HIVEP3: variants seen among roughly 807,000 people sequenced by gnomAD.
HIVEP3 encodes the protein HIVEP zinc finger 3, also known as transcription factor HIVEP3.
Under a neutral mutation model 152.8 loss-of-function variants are expected in HIVEP3, and 49 were observed. That is an observed-to-expected ratio of 0.32 (90% CI 0.26 to 0.41). The LOEUF (loss-of-function observed/expected upper bound fraction) is 0.41, where lower values mean the gene tolerates loss of function less well. Ranked by LOEUF, HIVEP3 falls within the 10% of genes least tolerant of loss-of-function variation. HIVEP3 has a pLI of 1.00. For synonymous variants in HIVEP3, 1,269 were observed against 1,289.0 expected (o/e 0.98, Z 0.33); for missense variants, 2,790 against 3,103.3 (o/e 0.90, Z 2.40).
chr1:41,629,466 C>T (rs557547561), intron 2 of HIVEP3, among the ~76,000 whole-genome samples: 2 of 152,276 alleles, frequency 1.3e-5, no homozygotes, highest in South Asian at 4.1e-4. Context: ...GCAAAAGAAA[C>T]TATCAATAGA....
At chr1:41,586,319 T>G (rs560869673) in intron 3 of HIVEP3, among the ~76,000 whole-genome samples, 3 of 152,196 alleles carry the variant, frequency 2.0e-5, no homozygotes, top group Non-Finnish European at 2.9e-5. Flanking sequence ...ATCCCAAGGC[T>G]GGAGTCACCA....
intron 1 of HIVEP3, among the ~76,000 whole-genome samples, chr1:41,716,823 G>C (rs978962356): frequency 6.6e-6 from 1 of 152,202 alleles, no homozygotes; most frequent in Admixed American, 6.5e-5. Flanking sequence ...AGATGTGAAC[G>C]AAGCCGGTTA....
chr1:41,651,440 A>G (rs2124015309), intron 2 of HIVEP3, among the ~76,000 whole-genome samples: 1 of 151,972 alleles, frequency 6.6e-6, no homozygotes, highest in South Asian at 2.1e-4. Context: ...AAAATCCACA[A>G]AGTTCCAAAA....
intron 1 of HIVEP3, among the ~76,000 whole-genome samples, chr1:41,757,048 A>G (rs12024937): frequency 0.48 from 73,163 of 151,080 alleles, 20,157 homozygotes; most frequent in Non-Finnish European, 0.63. Flanking sequence ...GGCCAGGAGT[A>G]TGAGGCCAGC....
chr1:41,770,569 T>C (rs1648290059), intron 1 of HIVEP3, among the ~76,000 whole-genome samples: 1 of 152,126 alleles, frequency 6.6e-6, no homozygotes, highest in African/African-American at 2.4e-5. Flanking sequence ...CCCCCCAATA[T>C]AATGCAATGA....
intron 1 of HIVEP3, among the ~76,000 whole-genome samples, chr1:41,980,595 C>T (rs746960366): frequency 7.9e-5 from 12 of 152,070 alleles, no homozygotes; most frequent in East Asian, 3.9e-4. Flanking sequence ...TTGGGGATGA[C>T]GGAAATATTC....
At chr1:41,548,531 T>C (rs145853700) in intron 5 of HIVEP3, among the ~76,000 whole-genome samples, 156 of 128,734 alleles carry the variant, frequency 1.2e-3, no homozygotes, top group African/African-American at 4.4e-3. Context: ...ACTTGAACCA[T>C]TTTGGGTTTG....
chr1:42,027,917 CAT>C (rs1466353861), intron 1 of HIVEP3, among the ~76,000 whole-genome samples: 1 of 152,308 alleles, frequency 6.6e-6, no homozygotes, highest in South Asian at 2.1e-4. Flanking sequence ...CCTCCCACAA[CAT>C]GTGGGAATTC....
At chr1:41,632,233 C>T (rs6703597) in intron 2 of HIVEP3, among the ~76,000 whole-genome samples, 87,076 of 152,042 alleles carry the variant, frequency 0.57, 25,781 homozygotes, top group African/African-American at 0.72. Flanking sequence ...TTCTCTTTAG[C>T]GCCCAAGTTG....
intron 1 of HIVEP3, among the ~76,000 whole-genome samples, chr1:42,016,379 A>G (rs568539753): frequency 6.6e-6 from 1 of 152,302 alleles, no homozygotes; most frequent in East Asian, 1.9e-4. Context: ...TGAAACTGGT[A>G]ATATACAGAC....
chr1:41,835,270 G>T lies in HIVEP3; in HGVS notation c.-801+83143C>A, dbSNP rs148964795. ...AATTTATTTTTTTCACAGCTCTGGA[G>T]GCTACAAGTCCAAGATCAAAGTCCC... On this transcript the variant is annotated intron_variant, in intron 1 of 8. Coordinates refer to ENST00000372583, the MANE Select transcript of HIVEP3 (RefSeq NM_024503.5). Among the ~76,000 whole-genome samples the T allele has an allele frequency of 1.7e-3, 259 of 152,264 alleles. 1 individual carries two copies. Among genetic ancestry groups the T allele is most frequent in the Middle Eastern group, 6.8e-3 (2 of 294 alleles).
chr1:41,788,511 C>T (rs749498631), intron 1 of HIVEP3, among the ~76,000 whole-genome samples: 10 of 152,204 alleles, frequency 6.6e-5, no homozygotes, highest in Admixed American at 5.9e-4. Context: ...GGCTATTCTC[C>T]CTCCCAGCCG....
chr1:41,729,174 TA>T (rs1221200269), intron 1 of HIVEP3, among the ~76,000 whole-genome samples: 2 of 152,132 alleles, frequency 1.3e-5, no homozygotes. Flanking sequence ...GCTGTGGGAA[TA>T]AAACGAGATC....
chr1:41,991,908 T>A (rs1348426573), intron 1 of HIVEP3, among the ~76,000 whole-genome samples: 1 of 127,480 alleles, frequency 7.8e-6, no homozygotes, highest in Non-Finnish European at 1.6e-5. Context: ...CACATGATTA[T>A]CTCAATAGAT....
At chr1:41,598,058 C>G (rs35198450) in intron 3 of HIVEP3, among the ~76,000 whole-genome samples, 3,622 of 152,314 alleles carry the variant, frequency 0.024, 67 homozygotes, top group Middle Eastern at 0.082. Context: ...CATCTATGAA[C>G]TTAACTCAAC....
intron 1 of HIVEP3, among the ~76,000 whole-genome samples, chr1:41,752,962 C>T (rs1192721094): frequency 6.6e-6 from 1 of 152,250 alleles, no homozygotes; most frequent in Non-Finnish European, 1.5e-5. Context: ...GCTCCACTGG[C>T]TACATCGCTG....
intron 5 of HIVEP3, among the ~76,000 whole-genome samples, chr1:41,536,041 C>G (rs1330779136): frequency 6.6e-6 from 1 of 152,058 alleles, no homozygotes; most frequent in Non-Finnish European, 1.5e-5. Flanking sequence ...GCACAGAGCC[C>G]CCAAAGGACG....
At chr1:41,596,157 G>C (rs540700827) in intron 3 of HIVEP3, among the ~76,000 whole-genome samples, 1 of 152,238 alleles carries the variant, frequency 6.6e-6, no homozygotes, top group Admixed American at 6.5e-5. Flanking sequence ...AGAATGACGA[G>C]ATAAAGTCCC....
intron 1 of HIVEP3, among the ~76,000 whole-genome samples, chr1:41,724,958 A>C (rs1046996152): frequency 6.6e-6 from 1 of 152,190 alleles, no homozygotes; most frequent in Non-Finnish European, 1.5e-5. Context: ...GAAGTTTCAC[A>C]ATGGTCTACT....
Sources: gnomAD v4.1 joint callset for allele counts (sites outside exome capture counted in the v4.1 genomes callset) on GRCh38, gnomAD v4.1.1 for gene constraint, MANE v1.5 for transcripts, NCBI Gene and HGNC (gene_info 2026-07-23, HGNC 2026-07-21) for gene names.